The following SPMIP4 variants were observed in gnomAD, a reference collection of about 807,000 sequenced individuals.
SPMIP4 encodes the protein sperm microtubule inner protein 4.
chr7:25,164,984 C>T, the SPMIP4 span, among the ~76,000 whole-genome samples: 1 of 152,208 alleles, frequency 6.6e-6, no homozygotes, highest in South Asian at 2.1e-4. Flanking sequence ...GAGTAGTATT[C>T]CATGGTATAT....
At chr7:25,136,285 G>C in the SPMIP4 span, 2 of 1,614,066 alleles carry the variant, frequency 1.2e-6, no homozygotes, top group South Asian at 1.1e-5. This position sits in a 1 kb window ranked among gnomAD's most constrained non-coding sequence, Gnocchi z 5.7. Flanking sequence ...TAAAACACTA[G>C]GTTTACTAAG....
At chr7:25,153,950 A>G in the SPMIP4 span, among the ~76,000 whole-genome samples, 4 of 152,228 alleles carry the variant, frequency 2.6e-5, no homozygotes, top group Admixed American at 1.3e-4. Flanking sequence ...GCAGGGTAAG[A>G]GAATAACTGC....
At chr7:25,159,059 A>G in the SPMIP4 span, among the ~76,000 whole-genome samples, 1 of 152,170 alleles carries the variant, frequency 6.6e-6, no homozygotes, top group Non-Finnish European at 1.5e-5. Context: ...TTTGTGGTGA[A>G]GATACAAGGG....
chr7:25,178,102 C>T, the SPMIP4 span, among the ~76,000 whole-genome samples: 18 of 152,310 alleles, frequency 1.2e-4, no homozygotes, highest in East Asian at 3.3e-3. Flanking sequence ...AGAATAATGG[C>T]CTCCAGCTCC....
the SPMIP4 span, among the ~76,000 whole-genome samples, chr7:25,126,256 C>T: frequency 6.6e-6 from 1 of 152,012 alleles, no homozygotes; most frequent in Non-Finnish European, 1.5e-5. Flanking sequence ...TATTACTAGA[C>T]CTTATTCATT....
chr7:25,134,960 T>C, the SPMIP4 span: 1 of 985,130 alleles, frequency 1.0e-6, no homozygotes, highest in South Asian at 4.7e-5. Flanking sequence ...TGGAAAAAAA[T>C]TCTCTAACTT....
chr7:25,148,324 AG>A, the SPMIP4 span, among the ~76,000 whole-genome samples: 1 of 151,926 alleles, frequency 6.6e-6, no homozygotes, highest in Admixed American at 6.6e-5. Flanking sequence ...CTGCAGTCCC[AG>A]ATACTTAGGA....
At chr7:25,135,078 T>C in the SPMIP4 span, 96,522 of 425,564 alleles carry the variant, frequency 0.23, 13,440 homozygotes, top group African/African-American at 0.51. Context: ...ACTTCCACGA[T>C]AGACTATGTT....
chr7:25,127,455 T>G, the SPMIP4 span, among the ~76,000 whole-genome samples: 6 of 152,238 alleles, frequency 3.9e-5, no homozygotes, highest in Admixed American at 3.9e-4. Flanking sequence ...TCCTTCTGTT[T>G]GATCAATTCT....
the SPMIP4 span, among the ~76,000 whole-genome samples, chr7:25,175,751 C>T: frequency 1.3e-5 from 2 of 152,094 alleles, no homozygotes; most frequent in African/African-American, 2.4e-5. Flanking sequence ...GTTGAGATAC[C>T]TTGTGATTCA....
the SPMIP4 span, among the ~76,000 whole-genome samples, chr7:25,169,134 A>T: frequency 6.6e-6 from 1 of 152,096 alleles, no homozygotes; most frequent in African/African-American, 2.4e-5. Flanking sequence ...TCATGCCTGT[A>T]ATCCCAGCAC....
At chr7:25,129,639 G>T in the SPMIP4 span, among the ~76,000 whole-genome samples, 1 of 151,922 alleles carries the variant, frequency 6.6e-6, no homozygotes, top group Non-Finnish European at 1.5e-5. Context: ...GTTCTTTTTT[G>T]GGTGGATAGT....
the SPMIP4 span, among the ~76,000 whole-genome samples, chr7:25,150,383 T>G: frequency 1.3e-5 from 2 of 152,204 alleles, no homozygotes; most frequent in African/African-American, 2.4e-5. Flanking sequence ...GACGCTTCGT[T>G]AGGACTTCTT....
the SPMIP4 span, among the ~76,000 whole-genome samples, chr7:25,152,116 G>A: frequency 1.3e-5 from 2 of 151,672 alleles, no homozygotes; most frequent in East Asian, 1.9e-4. Context: ...TAATGAGAGA[G>A]ATCTTAGGTA....
At chr7:25,160,786 A>G in the SPMIP4 span, among the ~76,000 whole-genome samples, 1 of 152,244 alleles carries the variant, frequency 6.6e-6, no homozygotes, top group African/African-American at 2.4e-5. Flanking sequence ...AGATGATAAT[A>G]AAAAACTTCT....
the SPMIP4 span, among the ~76,000 whole-genome samples, chr7:25,171,039 G>A: frequency 6.6e-5 from 10 of 152,174 alleles, no homozygotes; most frequent in Non-Finnish European, 1.3e-4. Context: ...TGGGGATGGG[G>A]TGCAGTAATG....
the SPMIP4 span, among the ~76,000 whole-genome samples, chr7:25,177,885 T>C: frequency 1.3e-5 from 2 of 152,200 alleles, no homozygotes; most frequent in Admixed American, 6.5e-5. Context: ...AGTGGTTCAG[T>C]GTACAAATTA....
At chr7:25,142,553 A>G in the SPMIP4 span, 776,645 of 1,185,548 alleles carry the variant, frequency 0.66, 257,984 homozygotes, top group Middle Eastern at 0.68. Flanking sequence ...AAAAGGCAAA[A>G]ACATGAGAAG....
chr7:25,137,998 A>G, the SPMIP4 span, among the ~76,000 whole-genome samples: 1 of 152,234 alleles, frequency 6.6e-6, no homozygotes, highest in Admixed American at 6.5e-5. Flanking sequence ...TTTTTGATAA[A>G]TTCAATTTAT....
Sources: gnomAD v4.1 joint callset for allele counts (sites outside exome capture counted in the v4.1 genomes callset) on GRCh38, gnomAD v4.1.1 for gene constraint, Gnocchi (gnomAD v3.1) non-coding constraint, MANE v1.5 for transcripts, NCBI Gene and HGNC (gene_info 2026-07-23, HGNC 2026-07-21) for gene names.